KANK4: variants seen among roughly 807,000 people sequenced by gnomAD.
KANK4 encodes KN motif and ankyrin repeat domain-containing protein 4.
KANK4 carries 50 observed loss-of-function variants against 80.8 expected under a neutral mutation model. The ratio of observed to expected loss-of-function variants is 0.62; its 90% CI spans 0.49 to 0.78. The LOEUF is 0.78. Ranked by LOEUF, KANK4 falls within the 30% of genes least tolerant of loss-of-function variation. The pLI, the probability that KANK4 is intolerant of heterozygous loss-of-function variation, is 0.00. For missense variants in KANK4, 1,196 were observed against 1,240.1 expected, an observed-to-expected ratio of 0.96 and a Z score of 0.53; for synonymous variants, 465 against 506.9, an observed-to-expected ratio of 0.92 and a Z score of 1.11.
At chr1:62,269,244 G>T (rs114035384) in intron 4 of KANK4, among the ~76,000 whole-genome samples, 5,612 of 152,344 alleles carry the variant, frequency 0.037, 157 homozygotes, top group Non-Finnish European at 0.055. Context: ...AGTCCTGGAA[G>T]ATTTATTGAC....
At chr1:62,279,891 G>A (rs896934261) in intron 2 of KANK4, among the ~76,000 whole-genome samples, 3 of 152,118 alleles carry the variant, frequency 2.0e-5, no homozygotes, top group Admixed American at 6.5e-5. Flanking sequence ...AATTCCCTAC[G>A]GAGTCTTGCT....
Position 62,273,925 on chromosome 1 carries a change from T to C in KANK4, c.1179A>G (p.Gln393=), listed in dbSNP as rs1042951135. 2.4e-5 allele frequency: 39 copies of C among 1,614,084 alleles called. No individual in the cohort carries two copies. The East Asian group carries it at 4.2e-4, about 18-fold the overall frequency. The change falls in exon 3 of 10, where the codon CAA becomes CAG. Residue 393 remains glutamine, a synonymous_variant. Transcript: ENST00000371153. The part of the protein sequence containing the change: ...RIRELEFTVA[Q]LEGQFHQENA... ...TCTCTTGGTGAAACTGTCCTTCCAGTTGGGCTACAGTGAACTCCAGCTCTC... is the reference window on the plus strand; with the variant it reads ...TCTCTTGGTGAAACTGTCCTTCCAGCTGGGCTACAGTGAACTCCAGCTCTC...
intron 7 of KANK4, among the ~76,000 whole-genome samples, chr1:62,259,449 G>T (rs570601781): frequency 2.6e-5 from 4 of 152,140 alleles, no homozygotes; most frequent in South Asian, 2.1e-4. Flanking sequence ...GCTAATCTTC[G>T]TATTTTTGGT....
intron 3 of KANK4, among the ~76,000 whole-genome samples, 161 bp downstream of exon 3, chr1:62,273,043 C>T (rs539346301): frequency 6.6e-6 from 1 of 152,172 alleles, no homozygotes; most frequent in Non-Finnish European, 1.5e-5. Context: ...TTCCCACCTC[C>T]GCCTCCCAAA....
intron 8 of KANK4, among the ~76,000 whole-genome samples, chr1:62,250,240 G>T (rs923045377): frequency 6.6e-6 from 1 of 152,074 alleles, no homozygotes; most frequent in African/African-American, 2.4e-5. Context: ...AGCCCGCCTC[G>T]GCCTCCCAAA....
intron 1 of KANK4, among the ~76,000 whole-genome samples, chr1:62,288,127 C>A (rs1182256743): frequency 6.6e-6 from 1 of 152,214 alleles, no homozygotes; most frequent in East Asian, 1.9e-4. Flanking sequence ...TTAAGACCAG[C>A]AGCCAGCTTC....
chr1:62,317,836 G>A (rs1644554668), intron 1 of KANK4, among the ~76,000 whole-genome samples: 1 of 152,212 alleles, frequency 6.6e-6, no homozygotes, highest in African/African-American at 2.4e-5. Context: ...GAAGGTGCCA[G>A]TTTTGTTCAC....
intron 1 of KANK4, among the ~76,000 whole-genome samples, chr1:62,316,649 T>G (rs1356681667): frequency 6.6e-6 from 1 of 152,314 alleles, no homozygotes; most frequent in South Asian, 2.1e-4. Context: ...ATTTTAGGTT[T>G]TATGCAGTTG....
chr1:62,310,392 C>T (rs1644488477), intron 1 of KANK4, among the ~76,000 whole-genome samples: 1 of 151,786 alleles, frequency 6.6e-6, no homozygotes, highest in Admixed American at 6.6e-5. Flanking sequence ...GCAGGGAGGA[C>T]TGGAGAGAGA....
At chr1:62,256,997 A>T (rs1671767265) in intron 7 of KANK4, among the ~76,000 whole-genome samples, 1 of 152,164 alleles carries the variant, frequency 6.6e-6, no homozygotes, top group South Asian at 2.1e-4. Flanking sequence ...CTCTTTAGAA[A>T]CATGATTTTT....
At chr1:62,267,918 C>T (rs761283842) in intron 5 of KANK4, among the ~76,000 whole-genome samples, 1 of 152,190 alleles carries the variant, frequency 6.6e-6, no homozygotes, top group African/African-American at 2.4e-5. Flanking sequence ...CTGCTAGCTG[C>T]GTCCCCACAC....
At chr1:62,270,290 A>C (rs1399264283) in intron 4 of KANK4, among the ~76,000 whole-genome samples, 1 of 152,036 alleles carries the variant, frequency 6.6e-6, no homozygotes, top group East Asian at 1.9e-4. Flanking sequence ...CTGTACATGA[A>C]CTGTGAAAGC....
intron 1 of KANK4, among the ~76,000 whole-genome samples, chr1:62,291,004 C>G (rs2149160391): frequency 6.6e-6 from 1 of 152,214 alleles, no homozygotes; most frequent in African/African-American, 2.4e-5. Context: ...CCTGCCTCGG[C>G]CTCCCAGAGT....
intron 9 of KANK4, among the ~76,000 whole-genome samples, chr1:62,244,742 C>A (rs914079540): frequency 3.3e-5 from 5 of 152,106 alleles, no homozygotes; most frequent in Admixed American, 1.3e-4. Context: ...CAGACTAATA[C>A]AGGGGGTCTC....
At chr1:62,251,670 C>A (rs747637075) in intron 8 of KANK4, among the ~76,000 whole-genome samples, 6 of 152,072 alleles carry the variant, frequency 3.9e-5, no homozygotes, top group African/African-American at 1.2e-4. Context: ...TTGGAGTGAA[C>A]CCCAATCAAC....
chr1:62,283,330 C>A (rs541190820), intron 1 of KANK4, among the ~76,000 whole-genome samples: 1 of 152,114 alleles, frequency 6.6e-6, no homozygotes, highest in South Asian at 2.1e-4. Flanking sequence ...AATCTTTACA[C>A]CATCACCCAA....
At chr1:62,316,089 C>T (rs1644537862) in intron 1 of KANK4, among the ~76,000 whole-genome samples, 1 of 152,236 alleles carries the variant, frequency 6.6e-6, no homozygotes, top group African/African-American at 2.4e-5. Context: ...GCCTGTTCTG[C>T]AGGAAGAAAC....
chr1:62,280,148 T>G (rs1399545433), intron 2 of KANK4, among the ~76,000 whole-genome samples: 1 of 151,780 alleles, frequency 6.6e-6, no homozygotes, highest in African/African-American at 2.4e-5. Context: ...AAACAGAAAC[T>G]AGAGAGAAAG....
At chr1:62,257,468 C>A (rs1208199678) in intron 7 of KANK4, among the ~76,000 whole-genome samples, 1 of 152,302 alleles carries the variant, frequency 6.6e-6, no homozygotes, top group East Asian at 1.9e-4. Flanking sequence ...GACAGAGGAG[C>A]AAGGCTCTCG....
Sources: gnomAD v4.1 joint callset for allele counts (sites outside exome capture counted in the v4.1 genomes callset) on GRCh38, gnomAD v4.1.1 for gene constraint, MANE v1.5 for transcripts, NCBI Gene and HGNC (gene_info 2026-07-23, HGNC 2026-07-21) for gene names.